The following BAG2 variants were observed in gnomAD, a reference collection of about 807,000 sequenced individuals.
The protein encoded by BAG2 is BAG family molecular chaperone regulator 2.
Under a neutral mutation model 16.4 loss-of-function variants are expected in BAG2, and 8 were observed. The ratio of observed to expected loss-of-function variants is 0.49; its 90% confidence interval spans 0.29 to 0.88. The LOEUF (loss-of-function observed/expected upper bound fraction) is 0.88. Ranked by LOEUF, BAG2 falls within the 40% of genes least tolerant of loss-of-function variation. The pLI, the probability that BAG2 is intolerant of heterozygous loss-of-function variation, is 0.09. For missense variants in BAG2, 218 were observed against 248.9 expected (o/e 0.88, Z 0.84); for synonymous variants, 82 against 89.2 (o/e 0.92, Z 0.46).
At chr6:57,180,415 A>G (rs1030384473) in intron 1 of BAG2, among the ~76,000 whole-genome samples, 2 of 152,114 alleles carry the variant, frequency 1.3e-5, no homozygotes, top group Non-Finnish European at 2.9e-5. Flanking sequence ...CAAATATTAA[A>G]GTGTAGTACA....
rs951555841 is a variant in BAG2 at position 57,184,990 on chromosome 6, T to C, written c.*800T>C. On this transcript the variant is annotated 3_prime_UTR_variant, in exon 3 of 3. Transcript: ENST00000370693. Reference sequence around the variant, plus strand: ...TTATCCATTCCTCTTTTATGGACATTTAGGTTGTTTCCAACTTGTTGCTAT... The same window carrying C: ...TTATCCATTCCTCTTTTATGGACATCTAGGTTGTTTCCAACTTGTTGCTAT... 2.0e-5 allele frequency: 3 copies of C among 152,204 alleles called. No homozygotes were observed. Among genetic ancestry groups the C allele is most frequent in the Non-Finnish European group, 4.4e-5 (3 of 68,018 alleles). 9.4% of individuals were successfully genotyped at this position (152,204 alleles called of 1,614,324 possible). A position where few individuals can be genotyped will look rare whatever the true frequency, so the allele number is the denominator to read the frequency against.
chr6:57,178,730 A>C (rs1301087084), intron 1 of BAG2, among the ~76,000 whole-genome samples: 1 of 151,868 alleles, frequency 6.6e-6, no homozygotes, highest in Non-Finnish European at 1.5e-5. Context: ...TCTGGTTTTC[A>C]CAGGGATAAT....
At chr6:57,172,973 A>C in intron 1 of BAG2, 163 bp downstream of exon 1, 1 of 696,390 alleles carries the variant, frequency 1.4e-6, no homozygotes, top group Non-Finnish European at 2.1e-6. Context: ...GACGTGGTGT[A>C]GTTTTGTTTG....
At chr6:57,178,869 C>T (rs991330471) in intron 1 of BAG2, among the ~76,000 whole-genome samples, 5 of 152,136 alleles carry the variant, frequency 3.3e-5, no homozygotes, top group African/African-American at 1.2e-4. Flanking sequence ...ATATTTTCGT[C>T]ATATGACAGG....
rs1764699426 is a variant in BAG2, at chr6:57,188,505, C to CAA, written c.*4316_*4317dup. On this transcript the variant is annotated 3_prime_UTR_variant, in exon 3 of 3. Transcript: ENST00000370693. The stretch of plus-strand genomic sequence containing the variant: ...AAAGAACTAACTAGAACACATATAA[C>CAA]AAGTGATTTTTCTGCCAATAAAGAC... The CAA allele has an allele frequency of 6.6e-6, 1 of 151,992 alleles. No individual in the cohort carries two copies. The highest frequency in any genetic ancestry group is 2.4e-5 in the African/African-American group (1 of 41,358). The allele number at this position is 151,992 out of a possible 1,614,324, so 9.4% of individuals were successfully genotyped here. A position where few individuals can be genotyped will look rare whatever the true frequency, so the allele number is the denominator to read the frequency against.
chr6:57,173,426 T>C, intron 1 of BAG2: 1 of 985,034 alleles, frequency 1.0e-6, no homozygotes, highest in African/African-American at 1.7e-5. Context: ...TCCCCTAACC[T>C]CGCGGACGGG....
rs950923532 is a variant in BAG2, at chr6:57,187,133, C to T, written c.*2943C>T. On this transcript the variant is annotated 3_prime_UTR_variant, in exon 3 of 3. Transcript: ENST00000370693. Reference sequence around the variant, plus strand: ...ACAAGTGGTTTTCCATTCAAATTTACAAAAGCATTATTTATTAGTAATAAA... The same window carrying T: ...ACAAGTGGTTTTCCATTCAAATTTATAAAAGCATTATTTATTAGTAATAAA... The T allele has an allele frequency of 2.6e-5, 4 of 152,110 alleles. No individual in the cohort carries two copies. Among genetic ancestry groups the T allele is most frequent in the African/African-American group, 9.7e-5 (4 of 41,422 alleles). The allele number at this position is 152,110 out of a possible 1,614,324, so 9.4% of individuals were successfully genotyped here.
At position 57,187,825 on chromosome 6, in the gene BAG2, A is replaced by AAAG. The variant is rs1002602223; in HGVS notation, c.*3636_*3638dup. The AAAG allele has an allele frequency of 3.3e-5, 5 of 152,146 alleles. No homozygotes were observed. Among genetic ancestry groups the AAAG allele is most frequent in the African/African-American group, 9.7e-5 (4 of 41,434 alleles). The allele number at this position is 152,146 out of a possible 1,614,324, so 9.4% of individuals were successfully genotyped here. A position where few individuals can be genotyped will look rare whatever the true frequency, so the allele number is the denominator to read the frequency against. On this transcript the variant is annotated 3_prime_UTR_variant, in exon 3 of 3. Transcript: ENST00000370693. ...TAGAACTTCACTCCATAATGAGGAA[A>AAAG]AAGTTTTCATCCTCTTTTTGGTAGT...
At chr6:57,180,758 C>A (rs7749960) in intron 1 of BAG2, among the ~76,000 whole-genome samples, 17,547 of 149,682 alleles carry the variant, frequency 0.12, 1,236 homozygotes, top group African/African-American at 0.19. Context: ...CAAAAGCATA[C>A]GCCATAAGGC....
In BAG2 at chr6:57,172,546, T is replaced by G. The variant is rs1435987990; in HGVS notation, c.-152T>G. On this transcript the variant is annotated 5_prime_UTR_variant, in exon 1 of 3. Coordinates refer to ENST00000370693, the MANE Select transcript of BAG2 (RefSeq NM_004282.4). The stretch of plus-strand genomic sequence containing the variant: ...TTCTTTGGCTACGCTGCAGCCGCGG[T>G]GTCGGCGAGTCCTCCCGGGTTGCCC... 1.8e-6 allele frequency: 1 copy of G among 547,816 alleles called. No homozygotes were observed. The highest frequency in any genetic ancestry group is 3.0e-6 in the Non-Finnish European group (1 of 332,546). The allele number at this position is 547,816 out of a possible 1,614,324, so 33.9% of individuals were successfully genotyped here.
At chr6:57,181,908 A>G (rs2127993208) in intron 1 of BAG2, 124 bp from the exon 2 acceptor site, 1 of 759,706 alleles carries the variant, frequency 1.3e-6, no homozygotes, top group Non-Finnish European at 2.1e-6. Flanking sequence ...TTAAAGCAGA[A>G]ATGAAGAATT....
chr6:57,187,620 C>T lies in BAG2; in HGVS notation c.*3430C>T, dbSNP rs1243570488. ...TTTTGAAAAGTATGCTAATAATTAA[C>T]AATATCTTATATTAAAAGGGTCCAA... On this transcript the variant is annotated 3_prime_UTR_variant, in exon 3 of 3. Transcript: ENST00000370693. 6.6e-6 allele frequency: 1 copy of T among 152,142 alleles called. No individual in the cohort carries two copies. The allele number at this position is 152,142 out of a possible 1,614,324, so 9.4% of individuals were successfully genotyped here.
chr6:57,174,408 G>A, intron 1 of BAG2: 1 of 1,303,392 alleles, frequency 7.7e-7, no homozygotes, highest in Non-Finnish European at 1.0e-6. Context: ...AGGTACAAAA[G>A]CACTCTGAAG....
chr6:57,188,827 A>G lies in BAG2; in HGVS notation c.*4637A>G, dbSNP rs1482992909. On this transcript the variant is annotated 3_prime_UTR_variant, in exon 3 of 3. Transcript: ENST00000370693. ...TATTTTTCCATCTAAAATGGCAAAG[A>G]GAACATTTACTTTTGATCACTTAAC... 1 of 152,186 alleles carries G rather than the reference A, an allele frequency of 6.6e-6. No individual in the cohort carries two copies. The highest frequency in any genetic ancestry group is 1.5e-5 in the Non-Finnish European group (1 of 68,002). The allele number at this position is 152,186 out of a possible 1,614,324, so 9.4% of individuals were successfully genotyped here.
intron 1 of BAG2, chr6:57,174,229 C>T: frequency 8.6e-7 from 1 of 1,164,992 alleles, no homozygotes; most frequent in South Asian, 1.8e-5. Context: ...TAACACACAT[C>T]TCTCCATGTC....
intron 1 of BAG2, chr6:57,173,266 C>T (rs553589471): frequency 2.1e-5 from 21 of 985,698 alleles, no homozygotes; most frequent in Non-Finnish European, 2.5e-5. Context: ...TGGCCCTCCA[C>T]GTGAAGTTAA....
intron 1 of BAG2, among the ~76,000 whole-genome samples, chr6:57,181,405 TA>T (rs968395467): frequency 2.0e-5 from 3 of 152,066 alleles, no homozygotes; most frequent in Non-Finnish European, 4.4e-5. Flanking sequence ...GAAGTACACA[TA>T]GGGGGCTGGG....
At chr6:57,179,004 T>A (rs1358587837) in intron 1 of BAG2, among the ~76,000 whole-genome samples, 1 of 152,248 alleles carries the variant, frequency 6.6e-6, no homozygotes, top group African/African-American at 2.4e-5. Flanking sequence ...CATCTTACAA[T>A]TGAATACAAA....
At chr6:57,173,488 G>C in intron 1 of BAG2, 2 of 985,294 alleles carry the variant, frequency 2.0e-6, no homozygotes, top group Non-Finnish European at 2.4e-6. Context: ...TCCCTACATA[G>C]AAGACTAAGT....
Sources: gnomAD v4.1 joint callset for allele counts (sites outside exome capture counted in the v4.1 genomes callset) on GRCh38, gnomAD v4.1.1 for gene constraint, MANE v1.5 for transcripts, NCBI Gene and HGNC (gene_info 2026-07-23, HGNC 2026-07-21) for gene names.